RASA3: variants seen among roughly 807,000 people sequenced by gnomAD.
RASA3 encodes the protein ras GTPase-activating protein 3.
RASA3 carries 73 observed loss-of-function variants against 110.0 expected under a neutral mutation model. The observed-to-expected ratio is 0.66, with a 90% CI of 0.55 to 0.81. RASA3 has a LOEUF of 0.81. Ranked by LOEUF, RASA3 falls within the 30% of genes least tolerant of loss-of-function variation. RASA3 has a pLI of 0.00. For synonymous variants in RASA3, 500 were observed against 451.4 expected, an observed-to-expected ratio of 1.11 and a Z score of -1.37; for missense variants, 976 against 1,113.2, an observed-to-expected ratio of 0.88 and a Z score of 1.75.
At chr13:114,099,216 T>A (rs945770356) in intron 1 of RASA3, among the ~76,000 whole-genome samples, 3 of 151,626 alleles carry the variant, frequency 2.0e-5, no homozygotes, top group Non-Finnish European at 4.4e-5. Flanking sequence ...CCCCTCCTTT[T>A]CTCAAGGTCA....
In RASA3 at chr13:114,065,223, T is replaced by TCTGCGCAAGGCTGGCG; in HGVS notation, c.173+8481_173+8496dup. The stretch of plus-strand genomic sequence containing the variant: ...CTCCTCCCTGAGTCACTTCCCAGCA[T>TCTGCGCAAGGCTGGCG]CTGCGCAAGGCTGGCGCTGCCCCAT... On this transcript the variant is annotated intron_variant, in intron 2 of 23. Transcript: ENST00000334062. The surrounding 1 kb of genome is among the most constrained non-coding windows in gnomAD (Gnocchi z 4.1). Among the ~76,000 whole-genome samples the TCTGCGCAAGGCTGGCG allele has an allele frequency of 6.6e-6, 1 of 152,196 alleles. No homozygotes were observed. The highest frequency in any genetic ancestry group is 1.9e-4 in the East Asian group (1 of 5,190).
At chr13:114,073,887 C>T (rs1160075168) in intron 1 of RASA3, 50 bp from the exon 2 acceptor site, 5 of 1,428,568 alleles carry the variant, frequency 3.5e-6, no homozygotes, top group Admixed American at 1.7e-5. Flanking sequence ...AATGTTTGTT[C>T]CCTGCTACAT....
At chr13:113,992,640 C>T (rs1190643984) in intron 21 of RASA3, 52 bp from the exon 22 acceptor site, 2 of 1,284,102 alleles carry the variant, frequency 1.6e-6, no homozygotes, top group Admixed American at 1.8e-5. Context: ...TTAAACGATG[C>T]TTTTAATAAT....
At position 114,013,299 on chromosome 13, in the gene RASA3, G is replaced by A. The variant is rs138304676; in HGVS notation, c.1406-51C>T. ...CGTTTTCCTCGGGCACAATGGCCTC[G>A]TGGGGACACCATGCCCCGGCCCCCT... On this transcript the variant is annotated intron_variant, in intron 14 of 23. Coordinates refer to ENST00000334062, the MANE Select transcript of RASA3 (RefSeq NM_007368.4). The A allele has an allele frequency of 1.0e-4, 142 of 1,419,224 alleles. No individual in the cohort carries two copies. In the African/African-American group the frequency reaches 1.8e-3, roughly 18 times the overall value. 87.9% of individuals were successfully genotyped at this position (1,419,224 alleles called of 1,614,324 possible).
Position 113,984,232 on chromosome 13 carries a change from GTCCA to G in RASA3, c.2246-2378_2246-2375del, listed in dbSNP as rs781569687. Reference sequence around the variant, plus strand: ...CTGTCCATCCATCACTCACCCATCTGTCCATCCATCCATTACTCACCCATCTGTC... The same window carrying G: ...CTGTCCATCCATCACTCACCCATCTGTCCATCCATTACTCACCCATCTGTC... On this transcript the variant is annotated intron_variant, in intron 22 of 23. Transcript: ENST00000334062. 3.6e-5 allele frequency among the ~76,000 whole-genome samples: 3 copies of G among 84,476 alleles called. No homozygotes were observed. The East Asian group carries it at 1.2e-3, about 33-fold the overall frequency. 55.4% of individuals were successfully genotyped at this position (84,476 alleles called of 152,430 possible). A position where few individuals can be genotyped will look rare whatever the true frequency, so the allele number is the denominator to read the frequency against.
chr13:114,082,492 C>T (rs529171995), intron 1 of RASA3, among the ~76,000 whole-genome samples: 1 of 152,336 alleles, frequency 6.6e-6, no homozygotes, highest in Admixed American at 6.5e-5. Context: ...TCCCTGTGCT[C>T]CGAGGCTCCG....
intron 2 of RASA3, among the ~76,000 whole-genome samples, chr13:114,070,207 G>A (rs1311857819): frequency 2.4e-4 from 32 of 134,142 alleles, no homozygotes; most frequent in African/African-American, 8.8e-4. Flanking sequence ...GGAGACTGGG[G>A]GGTGGGAGAC....
chr13:113,981,895 C>A, intron 22 of RASA3, 37 bp from the exon 23 acceptor site: 1 of 1,588,878 alleles, frequency 6.3e-7, no homozygotes, highest in Non-Finnish European at 8.6e-7. Context: ...GGGCAGGAGC[C>A]CAGGCCACCG....
intron 4 of RASA3, among the ~76,000 whole-genome samples, chr13:114,032,421 T>C (rs529631756): frequency 6.6e-6 from 1 of 152,286 alleles, no homozygotes; most frequent in East Asian, 1.9e-4. Context: ...CAAACTGACA[T>C]ACGGCCTCCA....
intron 18 of RASA3, among the ~76,000 whole-genome samples, chr13:114,003,193 G>A (rs2053441953): frequency 6.6e-6 from 1 of 152,244 alleles, no homozygotes; most frequent in Admixed American, 6.5e-5. Flanking sequence ...AGCTGATCCA[G>A]GGGCTGGAAA....
Position 114,028,549 on chromosome 13 carries a change from G to T in RASA3, c.450-622C>A. ...GGGGGCCCAGAACCTCTAAAACAGCGTCATCCTGGAAGGGGGCCAGAACTT... is the reference window on the plus strand; with the variant it reads ...GGGGGCCCAGAACCTCTAAAACAGCTTCATCCTGGAAGGGGGCCAGAACTT... On this transcript the variant is annotated intron_variant, in intron 5 of 23. Transcript: ENST00000334062. 2.7e-5 allele frequency among the ~76,000 whole-genome samples: 4 copies of T among 145,520 alleles called. 1 individual carries two copies. Among genetic ancestry groups the T allele is most frequent in the East Asian group, 4.3e-4 (2 of 4,670 alleles).
At chr13:114,028,100 G>A (rs780486656) in intron 5 of RASA3, among the ~76,000 whole-genome samples, 173 bp from the exon 6 acceptor site, 7 of 152,144 alleles carry the variant, frequency 4.6e-5, no homozygotes, top group Non-Finnish European at 8.8e-5. Flanking sequence ...GCTGAATCAC[G>A]CTGGCCATTC....
intron 18 of RASA3, among the ~76,000 whole-genome samples, chr13:114,003,174 CGGA>C (rs1429209693): frequency 6.6e-6 from 1 of 152,204 alleles, no homozygotes; most frequent in African/African-American, 2.4e-5. Context: ...GCTGAGGTGC[CGGA>C]GGAGAAGCTG....
In RASA3 at chr13:114,048,385, A is replaced by G. The variant is rs2079088679; in HGVS notation, c.277+3667T>C. On this transcript the variant is annotated intron_variant, in intron 3 of 23. Transcript: ENST00000334062. This position sits in a 1 kb window ranked among gnomAD's most constrained non-coding sequence, Gnocchi z 4.3. ...CCCCCACCCCATTGGGAAGCCTCAGAGAGTCTCTAGGGGCTGGAGGGGCAA... is the reference window on the plus strand; with the variant it reads ...CCCCCACCCCATTGGGAAGCCTCAGGGAGTCTCTAGGGGCTGGAGGGGCAA... 6.6e-6 allele frequency among the ~76,000 whole-genome samples: 1 copy of G among 151,604 alleles called. No homozygotes were observed. Among genetic ancestry groups the G allele is most frequent in the African/African-American group, 2.4e-5 (1 of 41,256 alleles).
chr13:114,093,506 A>T (rs951907950), intron 1 of RASA3, among the ~76,000 whole-genome samples: 21 of 152,050 alleles, frequency 1.4e-4, no homozygotes, highest in African/African-American at 4.6e-4. Context: ...TTGATCTTTG[A>T]GAGTTTTTTG....
intron 16 of RASA3, among the ~76,000 whole-genome samples, chr13:114,010,135 C>T (rs182449899): frequency 6.6e-5 from 10 of 152,298 alleles, no homozygotes; most frequent in East Asian, 3.9e-4. Flanking sequence ...CGGTGCACCT[C>T]GGCCTGCCTG....
intron 20 of RASA3, among the ~76,000 whole-genome samples, chr13:113,998,092 G>A (rs1019323014): frequency 6.6e-6 from 1 of 152,200 alleles, no homozygotes; most frequent in African/African-American, 2.4e-5. Context: ...ATGAACAGCT[G>A]GGAACAGGCG....
intron 4 of RASA3, among the ~76,000 whole-genome samples, chr13:114,039,620 C>A (rs2054354832): frequency 6.6e-6 from 1 of 152,378 alleles, no homozygotes; most frequent in East Asian, 1.9e-4. Flanking sequence ...CTCTGTGTCA[C>A]AGACCAGGGC....
chr13:114,120,695 G>A (rs1055821702), intron 1 of RASA3, among the ~76,000 whole-genome samples: 5 of 152,224 alleles, frequency 3.3e-5, no homozygotes, highest in African/African-American at 1.2e-4. Flanking sequence ...GAGAAACTCC[G>A]TGTGACCCTG....
Sources: allele counts gnomAD v4.1 joint callset (sites outside exome capture counted in the v4.1 genomes callset), GRCh38; gene constraint gnomAD v4.1.1; non-coding constraint Gnocchi (gnomAD v3.1); transcripts MANE v1.5; gene names NCBI Gene and HGNC (gene_info 2026-07-23, HGNC 2026-07-21).